Variants in TIMMDC1 observed in about 807,000 individuals in gnomAD.
TIMMDC1 encodes the protein complex I assembly factor TIMMDC1, mitochondrial.
A neutral mutation model predicts 32.6 loss-of-function variants in TIMMDC1; 25 were observed. That is an observed-to-expected ratio of 0.77 (90% CI 0.56 to 1.07). The LOEUF is 1.07. Among genes scored for constraint, TIMMDC1 ranks in the 50% least tolerant of loss-of-function variants. The pLI is 0.00. For synonymous variants in TIMMDC1, 130 were observed against 127.6 expected (o/e 1.02, Z -0.13); for missense variants, 329 against 349.2 (o/e 0.94, Z 0.46).
At position 119,498,775 on chromosome 3, in the gene TIMMDC1, A is replaced by G. The variant is rs2081843745; in HGVS notation, c.42A>G (p.Arg14=). 1.2e-6 allele frequency: 2 copies of G among 1,614,166 alleles called. No homozygotes were observed. The highest frequency in any genetic ancestry group is 1.7e-6 in the Non-Finnish European group (2 of 1,180,016). The change falls in exon 1 of 7, where the codon AGA becomes AGG. Residue 14 remains arginine (R), a synonymous_variant. Coordinates refer to ENST00000494664, the MANE Select transcript of TIMMDC1 (RefSeq NM_016589.4). ...PPPAPRSFLC[R]ALCLFPRVFA... is the part of the protein sequence containing the mutation. ...CGGCACCGCGGAGCTTTCTCTGTAG[A>G]GCATTGTGCCTATTTCCCCGAGTCT... is the stretch of plus-strand genomic sequence containing the variant.
At chr3:119,499,088 C>A in intron 1 of TIMMDC1, 161 bp downstream of exon 1, 26 of 492,742 alleles carry the variant, frequency 5.3e-5, no homozygotes, top group Non-Finnish European at 7.2e-5. Context: ...TATCTTTTTT[C>A]TTTCTTTTTT....
chr3:119,513,680 G>A lies in TIMMDC1; in HGVS notation c.557G>A (p.Arg186His), dbSNP rs748766668. 3.0e-5 allele frequency: 48 copies of A among 1,609,928 alleles called. No individual in the cohort carries two copies. Among genetic ancestry groups the A allele is most frequent in the Admixed American group, 1.4e-4 (8 of 59,204 alleles). Residue 186 changes from arginine (R) to histidine (H), a missense_variant, in exon 5 of 7, where the codon CGT becomes CAT. By Grantham distance (29) the Arg-to-His change is conservative. Coordinates refer to ENST00000494664, the MANE Select transcript of TIMMDC1 (RefSeq NM_016589.4). ...GSLFRINVGL[R>H]GLVAGGIIGA... ...CTTTTTAGGATAAACGTAGGCCTGC[G>A]TGGCCTGGTGGCTGGTGGCATAATT... is the stretch of plus-strand genomic sequence containing the variant.
intron 4 of TIMMDC1, among the ~76,000 whole-genome samples, chr3:119,506,528 A>AAAC (rs1473482302): frequency 6.6e-6 from 1 of 152,038 alleles, no homozygotes; most frequent in African/African-American, 2.4e-5. Flanking sequence ...CAAAAAAAAA[A>AAAC]AAAAAACTAG....
intron 4 of TIMMDC1, among the ~76,000 whole-genome samples, chr3:119,507,036 C>T (rs970979991): frequency 6.6e-6 from 1 of 152,138 alleles, no homozygotes; most frequent in African/African-American, 2.4e-5. Context: ...GCTGTCTTTC[C>T]CTTGTGTTCA....
chr3:119,506,466 G>A (rs2081919330), intron 4 of TIMMDC1, among the ~76,000 whole-genome samples: 1 of 151,232 alleles, frequency 6.6e-6, no homozygotes, highest in Admixed American at 6.6e-5. Context: ...CTACAGTGAG[G>A]TGTGATCATG....
At chr3:119,501,682 C>T (rs1280920471) in intron 2 of TIMMDC1, among the ~76,000 whole-genome samples, 1 of 152,036 alleles carries the variant, frequency 6.6e-6, no homozygotes, top group East Asian at 1.9e-4. Flanking sequence ...AGAAGTTAGG[C>T]TTGAGTTCTT....
intron 5 of TIMMDC1, among the ~76,000 whole-genome samples, 158 bp downstream of exon 5, chr3:119,513,877 A>G (rs2081969701): frequency 6.6e-6 from 1 of 152,190 alleles, no homozygotes; most frequent in Non-Finnish European, 1.5e-5. Flanking sequence ...GTCCATTCTA[A>G]TTCTACCCCA....
At chr3:119,507,192 A>G (rs1382957060) in intron 4 of TIMMDC1, among the ~76,000 whole-genome samples, 1 of 152,160 alleles carries the variant, frequency 6.6e-6, no homozygotes, top group African/African-American at 2.4e-5. Flanking sequence ...AATTTAGGAT[A>G]AATTCTCAGT....
At chr3:119,514,282 T>G (rs1282804592) in intron 5 of TIMMDC1, among the ~76,000 whole-genome samples, 1 of 152,194 alleles carries the variant, frequency 6.6e-6, no homozygotes, top group Non-Finnish European at 1.5e-5. Flanking sequence ...AACGCCTTGG[T>G]GATATTTTCC....
intron 2 of TIMMDC1, among the ~76,000 whole-genome samples, chr3:119,501,993 A>C (rs1194322361): frequency 6.6e-6 from 1 of 152,212 alleles, no homozygotes; most frequent in Non-Finnish European, 1.5e-5. Flanking sequence ...TGTTTACTTC[A>C]GTGACTTGCT....
intron 2 of TIMMDC1, among the ~76,000 whole-genome samples, chr3:119,502,789 C>T (rs572307427): frequency 1.2e-4 from 19 of 152,072 alleles, no homozygotes; most frequent in South Asian, 1.2e-3. Context: ...TTAAACTTGT[C>T]GGCTCAAGTG....
chr3:119,523,497 G>A (rs1215303266), intron 6 of TIMMDC1, 109 bp from the exon 7 acceptor site: 2 of 1,104,076 alleles, frequency 1.8e-6, no homozygotes, highest in Non-Finnish European at 2.5e-6. Context: ...CTTCTAAATT[G>A]CTATACCAAA....
chr3:119,509,633 T>C (rs1223601221), intron 4 of TIMMDC1, among the ~76,000 whole-genome samples: 1 of 151,956 alleles, frequency 6.6e-6, no homozygotes, highest in East Asian at 1.9e-4. Flanking sequence ...TTTGTAATGA[T>C]GGAATCATTT....
intron 4 of TIMMDC1, among the ~76,000 whole-genome samples, chr3:119,511,151 A>T (rs746485716): frequency 2.6e-5 from 4 of 152,116 alleles, no homozygotes; most frequent in African/African-American, 9.7e-5. Flanking sequence ...ATTATTGCAC[A>T]TTTCCAAAAC....
rs2082046208 is a variant in TIMMDC1 at position 119,523,681 on chromosome 3, T to C, written c.783T>C (p.Asn261=). 2 of 1,613,722 alleles carry C rather than the reference T, an allele frequency of 1.2e-6. No homozygotes were observed. The highest frequency in any genetic ancestry group is 1.7e-6 in the Non-Finnish European group (2 of 1,179,804). The change falls in exon 7 of 7, where the codon AAT becomes AAC. Residue 261 remains asparagine (N), a synonymous_variant. Transcript: ENST00000494664. ...ESSLQEDEPE[N]DAKKIEALLN... ...GTTTACAGGAAGATGAACCTGAGAA[T>C]GATGCTAAGAAAATTGAAGCACTGC...
intron 4 of TIMMDC1, among the ~76,000 whole-genome samples, chr3:119,508,216 G>A (rs971107545): frequency 3.9e-5 from 6 of 152,086 alleles, no homozygotes; most frequent in Non-Finnish European, 4.4e-5. Context: ...CTCTATGATT[G>A]GCTCCCCTAC....
At chr3:119,518,889 AACAG>A (rs2082004449) in intron 6 of TIMMDC1, among the ~76,000 whole-genome samples, 1 of 147,698 alleles carries the variant, frequency 6.8e-6, no homozygotes, top group African/African-American at 2.5e-5. Context: ...AAAACAAACA[AACAG>A]ACAAACAAAA....
chr3:119,504,133 C>A, intron 4 of TIMMDC1, 112 bp downstream of exon 4: 1 of 766,522 alleles, frequency 1.3e-6, no homozygotes, highest in Non-Finnish European at 2.2e-6. Context: ...CATTACATCT[C>A]ATCAACATTG....
chr3:119,515,684 C>G (rs1560049135), intron 5 of TIMMDC1, among the ~76,000 whole-genome samples: 1 of 152,094 alleles, frequency 6.6e-6, no homozygotes, highest in Non-Finnish European at 1.5e-5. Flanking sequence ...TATCTTTTTC[C>G]CAATGTGATT....
Sources: gnomAD v4.1 joint callset for allele counts (sites outside exome capture counted in the v4.1 genomes callset) on GRCh38, gnomAD v4.1.1 for gene constraint, MANE v1.5 for transcripts, NCBI Gene and HGNC (gene_info 2026-07-23, HGNC 2026-07-21) for gene names.